BCAS3: variants seen among roughly 807,000 people sequenced by gnomAD.
BCAS3 encodes BCAS4/BCAS3 fusion.
Under a neutral mutation model 116.1 loss-of-function variants are expected in BCAS3, and 53 were observed. That is an observed-to-expected ratio of 0.46 (90% CI 0.37 to 0.57). The LOEUF (loss-of-function observed/expected upper bound fraction) is 0.57. BCAS3 is among the 20% of genes least tolerant of loss of function. BCAS3 has a pLI of 0.00. For missense variants in BCAS3, 917 were observed against 1,165.4 expected, an observed-to-expected ratio of 0.79 and a Z score of 3.10; for synonymous variants, 391 against 408.2, an observed-to-expected ratio of 0.96 and a Z score of 0.51.
At chr17:61,045,931 T>TA (rs1355934439) in intron 19 of BCAS3, among the ~76,000 whole-genome samples, 1 of 18,048 alleles carries the variant, frequency 5.5e-5, no homozygotes, top group Non-Finnish European at 7.1e-5. Context: ...ATAATATATA[T>TA]AAATATATAT....
chr17:60,711,556 A>T (rs1191137133), intron 5 of BCAS3, among the ~76,000 whole-genome samples: 1 of 152,106 alleles, frequency 6.6e-6, no homozygotes. Flanking sequence ...CTTTGGTGGT[A>T]TTCAGGTTGT....
chr17:60,810,381 A>G, intron 7 of BCAS3: 3 of 457,816 alleles, frequency 6.6e-6, no homozygotes, highest in Non-Finnish European at 1.3e-5. Context: ...GGGGTCTGGC[A>G]GGACTGAGAG....
At chr17:61,042,196 A>G (rs2067567924) in intron 19 of BCAS3, among the ~76,000 whole-genome samples, 1 of 152,092 alleles carries the variant, frequency 6.6e-6, no homozygotes, top group Non-Finnish European at 1.5e-5. Context: ...GATATGAAAT[A>G]AGAATCATGA....
chr17:60,801,552 A>G (rs909467770), intron 6 of BCAS3, among the ~76,000 whole-genome samples: 2 of 151,862 alleles, frequency 1.3e-5, no homozygotes, highest in African/African-American at 4.8e-5. Context: ...GAGAGTGGAC[A>G]CTCTTGCTTT....
At chr17:60,785,299 C>G (rs2046197564) in intron 6 of BCAS3, among the ~76,000 whole-genome samples, 1 of 152,052 alleles carries the variant, frequency 6.6e-6, no homozygotes, top group Admixed American at 6.5e-5. Flanking sequence ...GCTGGGATTA[C>G]AGGTGTGTGC....
chr17:61,179,860 T>C (rs976174838), intron 22 of BCAS3, among the ~76,000 whole-genome samples: 13 of 147,026 alleles, frequency 8.8e-5, no homozygotes, highest in East Asian at 2.0e-4. Flanking sequence ...ATCACTGTTT[T>C]TCTCTCTCTC....
chr17:60,722,815 C>T lies in BCAS3; in HGVS notation c.321+13490C>T, dbSNP rs183097745. On this transcript the variant is annotated intron_variant, in intron 5 of 23. Transcript: ENST00000407086. ...GGGCACAGTGGCTCATGCCTGTAAT[C>T]CTGGCACTTTGGGAGGAGGTGGGAG... 4.6e-5 allele frequency among the ~76,000 whole-genome samples: 7 copies of T among 151,480 alleles called. No homozygotes were observed. In the East Asian group the frequency reaches 5.8e-4, roughly 13 times the overall value.
In BCAS3 at chr17:61,023,702, C is replaced by T. The variant is rs562463528; in HGVS notation, c.1637+7801C>T. ...GTATGTTATAAAACATAATTCTTTCCTATCTTCTGGGAGTCTCCTGAAGAA... is the reference window on the plus strand; with the variant it reads ...GTATGTTATAAAACATAATTCTTTCTTATCTTCTGGGAGTCTCCTGAAGAA... On this transcript the variant is annotated intron_variant, in intron 16 of 23. Transcript: ENST00000407086. This position sits in a 1 kb window ranked among gnomAD's most constrained non-coding sequence, Gnocchi z 4.8. 1.1e-4 allele frequency among the ~76,000 whole-genome samples: 16 copies of T among 152,004 alleles called. No homozygotes were observed. Among genetic ancestry groups the T allele is most frequent in the Non-Finnish European group, 2.4e-4 (16 of 67,966 alleles).
intron 6 of BCAS3, among the ~76,000 whole-genome samples, chr17:60,786,144 G>A (rs904683362): frequency 9.2e-5 from 14 of 151,970 alleles, no homozygotes; most frequent in Admixed American, 5.2e-4. Flanking sequence ...GAATTACCAC[G>A]GATAAAATTA....
chr17:60,855,124 A>G (rs535350767), intron 7 of BCAS3, among the ~76,000 whole-genome samples: 16 of 151,196 alleles, frequency 1.1e-4, no homozygotes, highest in African/African-American at 3.9e-4. Flanking sequence ...TAATTTTTGT[A>G]TTTTTAGTAG....
chr17:60,679,206 C>T (rs149723897), intron 1 of BCAS3, among the ~76,000 whole-genome samples: 2 of 152,326 alleles, frequency 1.3e-5, no homozygotes, highest in African/African-American at 4.8e-5. Flanking sequence ...GCCTGGGCGA[C>T]AGAGCGAGAC....
rs1444202347 is a variant in BCAS3 at position 61,132,336 on chromosome 17, A to G, written c.2425+47772A>G. On this transcript the variant is annotated intron_variant, in intron 22 of 23. Coordinates refer to ENST00000407086, the MANE Select transcript of BCAS3 (RefSeq NM_017679.5). This position sits in a 1 kb window ranked among gnomAD's most constrained non-coding sequence, Gnocchi z 5.1. ...GTCCGTAACTGAAGGCACCATTCCA[A>G]AACTACTTGAGTATAGGTGAGAACT... 6.6e-6 allele frequency among the ~76,000 whole-genome samples: 1 copy of G among 152,274 alleles called. No individual in the cohort carries two copies. The highest frequency in any genetic ancestry group is 1.9e-4 in the East Asian group (1 of 5,188).
At chr17:61,246,825 GTGTGTA>G (rs1215646339) in intron 22 of BCAS3, among the ~76,000 whole-genome samples, 2 of 149,170 alleles carry the variant, frequency 1.3e-5, no homozygotes, top group South Asian at 2.1e-4. Flanking sequence ...GTGTGTGTGT[GTGTGTA>G]TGTGTGTGAT....
intron 10 of BCAS3, among the ~76,000 whole-genome samples, chr17:60,898,446 C>A: frequency 6.6e-6 from 1 of 151,910 alleles, no homozygotes; most frequent in South Asian, 2.1e-4. Context: ...GTAATGTAGT[C>A]TGATTTTTTT....
chr17:60,795,098 G>C (rs1282453709), intron 6 of BCAS3, among the ~76,000 whole-genome samples: 2 of 152,112 alleles, frequency 1.3e-5, no homozygotes, highest in Non-Finnish European at 2.9e-5. Context: ...GCAGTGTTTT[G>C]TAGTTTTCCT....
intron 22 of BCAS3, among the ~76,000 whole-genome samples, chr17:61,155,893 C>T (rs754788467): frequency 6.6e-6 from 1 of 152,196 alleles, no homozygotes; most frequent in Non-Finnish European, 1.5e-5. Flanking sequence ...CCTCTCCACT[C>T]AGATTACCTC....
chr17:61,186,210 G>A lies in BCAS3; in HGVS notation c.2425+101646G>A, dbSNP rs2079766850. Among the ~76,000 whole-genome samples the A allele has an allele frequency of 6.6e-6, 1 of 151,960 alleles. No individual in the cohort carries two copies. Among genetic ancestry groups the A allele is most frequent in the African/African-American group, 2.4e-5 (1 of 41,368 alleles). ...CTATAAAATCATTTTTAACCCGTAT[G>A]TTAAGGTTGTCTTTGATATGATAGC... On this transcript the variant is annotated intron_variant, in intron 22 of 23. Coordinates refer to ENST00000407086, the MANE Select transcript of BCAS3 (RefSeq NM_017679.5). This position sits in a 1 kb window ranked among gnomAD's most constrained non-coding sequence, Gnocchi z 4.9.
chr17:60,993,630 A>G lies in BCAS3; in HGVS notation c.1486+3395A>G, dbSNP rs2063667577. ...CATAACAAAATGGGCATTGTTGGTT[A>G]GTTCTAAAAATGATGTATTTACAGT... On this transcript the variant is annotated intron_variant, in intron 15 of 23. Coordinates refer to ENST00000407086, the MANE Select transcript of BCAS3 (RefSeq NM_017679.5). The surrounding 1 kb of genome is among the most constrained non-coding windows in gnomAD (Gnocchi z 4.2). 6.6e-6 allele frequency among the ~76,000 whole-genome samples: 1 copy of G among 152,152 alleles called. No individual in the cohort carries two copies. Among genetic ancestry groups the G allele is most frequent in the African/African-American group, 2.4e-5 (1 of 41,440 alleles).
intron 9 of BCAS3, among the ~76,000 whole-genome samples, chr17:60,875,215 T>C (rs1365724835): frequency 6.6e-6 from 1 of 152,182 alleles, no homozygotes; most frequent in East Asian, 1.9e-4. Context: ...TACTGTTAAA[T>C]AAACTTATGT....
Sources: gnomAD v4.1 joint callset for allele counts (sites outside exome capture counted in the v4.1 genomes callset) on GRCh38, gnomAD v4.1.1 for gene constraint, Gnocchi (gnomAD v3.1) non-coding constraint, MANE v1.5 for transcripts, NCBI Gene and HGNC (gene_info 2026-07-23, HGNC 2026-07-21) for gene names.